SLIT2: variants seen among roughly 807,000 people sequenced by gnomAD.
SLIT2 encodes the protein slit homolog 2 protein.
SLIT2 carries 41 observed loss-of-function variants against 185.7 expected under a neutral mutation model. That is an observed-to-expected ratio of 0.22 (90% confidence interval 0.17 to 0.29). SLIT2 has a LOEUF of 0.29. SLIT2 is among the 10% of genes least tolerant of loss of function. SLIT2 has a pLI of 1.00. For missense variants in SLIT2, 1,571 were observed against 1,909.0 expected (o/e 0.82, Z 3.30); for synonymous variants, 693 against 680.2 (o/e 1.02, Z -0.29).
chr4:20,513,213 A>G (rs1719912487), intron 11 of SLIT2, among the ~76,000 whole-genome samples: 1 of 152,216 alleles, frequency 6.6e-6, no homozygotes, highest in Non-Finnish European at 1.5e-5. Context: ...CAGTTAAGTC[A>G]GGGAGTTAAG....
chr4:20,571,415 T>A (rs560244698), intron 29 of SLIT2, among the ~76,000 whole-genome samples: 9 of 152,296 alleles, frequency 5.9e-5, no homozygotes, highest in African/African-American at 1.9e-4. Context: ...GGTATCTAAA[T>A]GGGGCAAATG....
chr4:20,321,316 A>G (rs1017086990), intron 4 of SLIT2, among the ~76,000 whole-genome samples: 36 of 152,258 alleles, frequency 2.4e-4, no homozygotes, highest in South Asian at 1.0e-3. Context: ...CCACCACACT[A>G]TCTTTCGTAT....
intron 4 of SLIT2, among the ~76,000 whole-genome samples, chr4:20,465,567 A>G (rs1289963273): frequency 6.6e-6 from 1 of 152,164 alleles, no homozygotes; most frequent in Non-Finnish European, 1.5e-5. Flanking sequence ...ATAAACCATT[A>G]GCCTTAAGAG....
At chr4:20,401,326 A>C (rs1306613107) in intron 4 of SLIT2, among the ~76,000 whole-genome samples, 1 of 151,900 alleles carries the variant, frequency 6.6e-6, no homozygotes, top group Non-Finnish European at 1.5e-5. Context: ...TGTTGAAACA[A>C]GTTTTGCTAG....
chr4:20,431,177 C>T (rs1728945702), intron 4 of SLIT2, among the ~76,000 whole-genome samples: 1 of 152,068 alleles, frequency 6.6e-6, no homozygotes, highest in Non-Finnish European at 1.5e-5. Flanking sequence ...TCTTCAAGGT[C>T]GTTTCTAAAA....
At chr4:20,370,857 T>G (rs1723515515) in intron 4 of SLIT2, among the ~76,000 whole-genome samples, 1 of 152,118 alleles carries the variant, frequency 6.6e-6, no homozygotes, top group South Asian at 2.1e-4. Context: ...TTTTAAGCTT[T>G]GGAGAAAATG....
chr4:20,274,761 A>G (rs527381568), intron 4 of SLIT2, among the ~76,000 whole-genome samples: 1 of 150,496 alleles, frequency 6.6e-6, no homozygotes, highest in South Asian at 2.1e-4. Flanking sequence ...TTTTTCACTC[A>G]GCTGTACTTA....
intron 21 of SLIT2, among the ~76,000 whole-genome samples, chr4:20,542,959 T>C (rs866890421): frequency 6.6e-6 from 1 of 152,028 alleles, no homozygotes; most frequent in Admixed American, 6.6e-5. Flanking sequence ...CATTTATTTG[T>C]TCCTATACCC....
At chr4:20,273,365 A>T (rs1438291757) in intron 4 of SLIT2, among the ~76,000 whole-genome samples, 2 of 152,122 alleles carry the variant, frequency 1.3e-5, no homozygotes, top group African/African-American at 2.4e-5. Context: ...ATGATTATAC[A>T]TATAAGTGCT....
chr4:20,618,876 G>T lies in SLIT2; in HGVS notation c.4457G>T (p.Cys1486Phe). 6.2e-7 allele frequency: 1 copy of T among 1,614,174 alleles called. No individual in the cohort carries two copies. Among genetic ancestry groups the T allele is most frequent in the Non-Finnish European group, 8.5e-7 (1 of 1,180,024 alleles). Residue 1486 changes from cysteine (C) to phenylalanine (F), a missense_variant, in exon 37 of 37, where the codon TGT becomes TTT. By Grantham distance (205) the Cys-to-Phe change is radical. Around this residue, in one of 3 missense-constraint regions of SLIT2, gnomAD observed 223 missense variants for 245.2 expected, o/e 0.91. Coordinates refer to ENST00000504154, the MANE Select transcript of SLIT2 (RefSeq NM_004787.4). The stretch of plus-strand genomic sequence containing the variant: ...TCCCGATTAGAGTGCAGAGGTGGGT[G>T]TGCAGGAGGGCAGTGCTGTGGACCG... ...KVSRLECRGG[C>F]AGGQCCGPLR...
Position 20,455,846 on chromosome 4 carries a change from TCG to T in SLIT2, c.396-11905_396-11904del, listed in dbSNP as rs1472558677. ...AGTCATTTGCAATATTTTCTGTCTC[TCG>T]GCCATTTTCTTGTGAAGATTTGATG... On this transcript the variant is annotated intron_variant, in intron 4 of 36. Transcript: ENST00000504154. Among the ~76,000 whole-genome samples, 11 of 152,308 alleles carry T rather than the reference TCG, an allele frequency of 7.2e-5. No individual in the cohort carries two copies. The East Asian group carries it at 1.5e-3, about 21-fold the overall frequency.
At chr4:20,443,636 GGCTTTATAACAAT>G (rs1729941435) in intron 4 of SLIT2, among the ~76,000 whole-genome samples, 1 of 148,586 alleles carries the variant, frequency 6.7e-6, no homozygotes, top group Admixed American at 6.8e-5. Context: ...GACCAGGAAT[GGCTTTATAACAAT>G]GATTACCTTG....
intron 8 of SLIT2, among the ~76,000 whole-genome samples, chr4:20,491,529 T>C (rs1282204934): frequency 1.3e-5 from 2 of 152,176 alleles, no homozygotes; most frequent in Admixed American, 1.3e-4. Flanking sequence ...AAATTAGCAG[T>C]CTTATGACCA....
At position 20,542,515 on chromosome 4, in the gene SLIT2, C is replaced by T. The variant is rs763417377; in HGVS notation, c.2165C>T (p.Ser722Phe). Residue 722 changes from serine to phenylalanine, a missense_variant, in exon 21 of 37, where the codon TCC becomes TTC. Ser to Phe is a radical substitution (Grantham distance 155). Coordinates refer to ENST00000504154, the MANE Select transcript of SLIT2 (RefSeq NM_004787.4). ...CDDGNDDNSC[S>F]PLSRCPTECT... ...TTAGGAAATGATGACAATAGTTGCTCCCCACTTTCTCGCTGTCCTACTGAA... is the reference window on the plus strand; with the variant it reads ...TTAGGAAATGATGACAATAGTTGCTTCCCACTTTCTCGCTGTCCTACTGAA... 2 of 1,613,608 alleles carry T rather than the reference C, an allele frequency of 1.2e-6. No homozygotes were observed. Among genetic ancestry groups the T allele is most frequent in the Middle Eastern group, 1.7e-4 (1 of 6,060 alleles).
At chr4:20,513,490 T>C (rs1354140311) in intron 11 of SLIT2, among the ~76,000 whole-genome samples, 1 of 152,222 alleles carries the variant, frequency 6.6e-6, no homozygotes, top group African/African-American at 2.4e-5. Flanking sequence ...CTTTTCTTCA[T>C]TGAACCACAG....
intron 4 of SLIT2, among the ~76,000 whole-genome samples, chr4:20,334,161 A>T (rs1345824746): frequency 6.6e-6 from 1 of 152,168 alleles, no homozygotes; most frequent in Non-Finnish European, 1.5e-5. Flanking sequence ...GAGAAATTAA[A>T]TACTGAGGGA....
At chr4:20,561,802 A>T (rs181434916) in intron 26 of SLIT2, among the ~76,000 whole-genome samples, 1,698 of 151,672 alleles carry the variant, frequency 0.011, 51 homozygotes, top group African/African-American at 0.039. Context: ...CGTACCATTT[A>T]AAAAAGGGGG....
At chr4:20,326,868 T>A (rs1018641827) in intron 4 of SLIT2, among the ~76,000 whole-genome samples, 1 of 151,028 alleles carries the variant, frequency 6.6e-6, no homozygotes, top group African/African-American at 2.4e-5. Context: ...AACCACAGAG[T>A]TTAATGTGCT....
At chr4:20,412,237 T>C (rs1727313333) in intron 4 of SLIT2, among the ~76,000 whole-genome samples, 1 of 152,170 alleles carries the variant, frequency 6.6e-6, no homozygotes, top group Non-Finnish European at 1.5e-5. Context: ...TTCTTGATTT[T>C]TCAATGTTTT....
Sources: gnomAD v4.1 joint callset for allele counts (sites outside exome capture counted in the v4.1 genomes callset) on GRCh38, gnomAD v4.1.1 for gene constraint, gnomAD v4.1.1 regional missense constraint, MANE v1.5 for transcripts, NCBI Gene and HGNC (gene_info 2026-07-23, HGNC 2026-07-21) for gene names.